DRD3: variants seen among roughly 807,000 people sequenced by gnomAD.
DRD3 encodes D(3) dopamine receptor.
In DRD3, 19 loss-of-function variants were observed where a neutral mutation model predicts 36.3. The ratio of observed to expected loss-of-function variants is 0.52; its 90% CI spans 0.36 to 0.77. The LOEUF (loss-of-function observed/expected upper bound fraction) is 0.77, where lower values mean the gene tolerates loss of function less well. Ranked by LOEUF, DRD3 falls within the 30% of genes least tolerant of loss-of-function variation. The pLI is 0.00. For missense variants in DRD3, 465 were observed against 505.3 expected (o/e 0.92, Z 0.77); for synonymous variants, 195 against 203.7 (o/e 0.96, Z 0.36).
At chr3:114,153,910 C>T (rs2077641503) in intron 3 of DRD3, among the ~76,000 whole-genome samples, 1 of 152,170 alleles carries the variant, frequency 6.6e-6, no homozygotes, top group Non-Finnish European at 1.5e-5. Context: ...TAGTGTCTGG[C>T]ACATAGTACA....
At chr3:114,131,963 G>A (rs2077435343) in intron 5 of DRD3, among the ~76,000 whole-genome samples, 1 of 152,176 alleles carries the variant, frequency 6.6e-6, no homozygotes, top group Non-Finnish European at 1.5e-5. Flanking sequence ...GTTGGTGGGA[G>A]TGTAAGTTAG....
chr3:114,161,436 G>A lies in DRD3; in HGVS notation c.271-1569C>T, dbSNP rs747565123. Among the ~76,000 whole-genome samples, 10 of 152,188 alleles carry A rather than the reference G, an allele frequency of 6.6e-5. No individual in the cohort carries two copies. The South Asian group carries it at 1.2e-3, about 19-fold the overall frequency. On this transcript the variant is annotated intron_variant, in intron 2 of 6. Coordinates refer to ENST00000383673, the MANE Select transcript of DRD3 (RefSeq NM_000796.6). ...CAATAAAATAAGGTCCTAAAAGGCC[G>A]TCTTTCCTTCCCTGTCCCTGATAAC...
intron 3 of DRD3, among the ~76,000 whole-genome samples, chr3:114,151,963 GGGGGTCCTGTTAAAAT>G (rs1380559407): frequency 6.6e-6 from 1 of 152,216 alleles, no homozygotes; most frequent in Non-Finnish European, 1.5e-5. Context: ...TTAATTGCCT[GGGGGTCCTGTTAAAAT>G]GCAGAATATC....
rs117144610 is a variant in DRD3, at chr3:114,148,052, C to T, written c.384-495G>A. The stretch of plus-strand genomic sequence containing the variant: ...GAGGAAGAGAGAAAAGCAGAAAGGT[C>T]AAAAATAGCAGAAAGGTTGAGATAA... On this transcript the variant is annotated intron_variant, in intron 3 of 6. Transcript: ENST00000383673. Among the ~76,000 whole-genome samples, 143 of 152,016 alleles carry T rather than the reference C, an allele frequency of 9.4e-4. 2 individuals are homozygous for T. The East Asian group carries it at 0.016, about 17-fold the overall frequency.
intron 1 of DRD3, among the ~76,000 whole-genome samples, chr3:114,193,543 C>A (rs2078022785): frequency 6.6e-6 from 1 of 152,178 alleles, no homozygotes; most frequent in African/African-American, 2.4e-5. Context: ...TGGGGCTATA[C>A]TGGACTTCTA....
upstream of DRD3, among the ~76,000 whole-genome samples, chr3:114,179,854 T>C (rs1414982517): frequency 2.0e-5 from 3 of 152,222 alleles, no homozygotes; most frequent in South Asian, 6.2e-4. Flanking sequence ...AAGGTCTAAA[T>C]ACTGCTATTG....
At chr3:114,192,970 C>G (rs746262647) in intron 1 of DRD3, among the ~76,000 whole-genome samples, 1 of 151,944 alleles carries the variant, frequency 6.6e-6, no homozygotes, top group Non-Finnish European at 1.5e-5. Context: ...TAAAAAAAAG[C>G]GACAAAACAA....
Position 114,160,245 on chromosome 3 carries a change from T to A in DRD3, c.271-378A>T, listed in dbSNP as rs534295302. Among the ~76,000 whole-genome samples, 21 of 152,332 alleles carry A rather than the reference T, an allele frequency of 1.4e-4. No homozygotes were observed. In the East Asian group the frequency reaches 1.5e-3, roughly 11 times the overall value. On this transcript the variant is annotated intron_variant, in intron 2 of 6. Transcript: ENST00000383673. ...TGTAAATCTTCTTTTTTATTTTTTT[T>A]AAATTTATTTTATTTTTTGAGATGG...
chr3:114,140,570 G>A (rs1263294026), intron 4 of DRD3, among the ~76,000 whole-genome samples: 2 of 152,172 alleles, frequency 1.3e-5, no homozygotes, highest in Non-Finnish European at 2.9e-5. Context: ...TTAAGGCAAC[G>A]TTATATGAGA....
intron 5 of DRD3, among the ~76,000 whole-genome samples, chr3:114,136,773 G>T (rs1004966254): frequency 9.8e-5 from 15 of 152,334 alleles, no homozygotes; most frequent in African/African-American, 3.4e-4. Context: ...AACACCTCCA[G>T]ACTCCACTCT....
chr3:114,187,001 G>A (rs935088054), intron 1 of DRD3, among the ~76,000 whole-genome samples: 5 of 152,342 alleles, frequency 3.3e-5, no homozygotes, highest in African/African-American at 1.2e-4. Flanking sequence ...TGAAGATCTA[G>A]AGGCTCAAAA....
intron 4 of DRD3, among the ~76,000 whole-genome samples, chr3:114,142,016 C>A (rs1212363966): frequency 7.0e-6 from 1 of 142,750 alleles, no homozygotes; most frequent in African/African-American, 2.6e-5. Flanking sequence ...CCATTGCACT[C>A]CAGCCTGGGC....
intron 2 of DRD3, among the ~76,000 whole-genome samples, chr3:114,169,961 G>A (rs576362954): frequency 4.9e-4 from 74 of 152,322 alleles, no homozygotes; most frequent in African/African-American, 1.7e-3. Flanking sequence ...GCTCATTAGA[G>A]TGAAGGTCCA....
chr3:114,179,670 T>C (rs777183586), upstream of DRD3, among the ~76,000 whole-genome samples: 5 of 152,182 alleles, frequency 3.3e-5, no homozygotes, highest in Admixed American at 1.3e-4. Flanking sequence ...AACCATTTCC[T>C]GTTCTCTCTC....
intron 2 of DRD3, among the ~76,000 whole-genome samples, chr3:114,160,249 T>C (rs1291097954): frequency 2.0e-5 from 3 of 152,138 alleles, no homozygotes; most frequent in Non-Finnish European, 4.4e-5. Context: ...TTTTTTTAAA[T>C]TTATTTTATT....
At chr3:114,159,575 C>T (rs2077713245) in intron 3 of DRD3, among the ~76,000 whole-genome samples, 180 bp downstream of exon 3, 1 of 152,108 alleles carries the variant, frequency 6.6e-6, no homozygotes, top group African/African-American at 2.4e-5. Context: ...TCGTTATTTC[C>T]CACCTGTCGC....
chr3:114,167,265 A>G (rs907719003), intron 2 of DRD3, among the ~76,000 whole-genome samples: 1 of 152,182 alleles, frequency 6.6e-6, no homozygotes, highest in African/African-American at 2.4e-5. Flanking sequence ...CTGGCCGCTT[A>G]TACTGCCTTT....
chr3:114,128,860 G>T lies in DRD3; in HGVS notation c.1059C>A (p.Thr353=), dbSNP rs200567878. The part of the protein sequence containing the change: ...LPFFLTHVLN[T]HCQTCHVSPE... ...GGGACACGTGGCATGTCTGGCAGTG[G>T]GTATTGAGAACATGGGTCAAGAAGA... Residue 353 remains threonine, a synonymous_variant, in exon 7 of 7, where the codon ACC becomes ACA. Transcript: ENST00000383673. 1.8e-5 allele frequency: 29 copies of T among 1,613,006 alleles called. No homozygotes were observed. The South Asian group carries it at 3.2e-4, about 18-fold the overall frequency.
intron 3 of DRD3, among the ~76,000 whole-genome samples, chr3:114,155,662 T>C (rs1190932278): frequency 1.3e-5 from 2 of 151,568 alleles, no homozygotes; most frequent in Non-Finnish European, 3.0e-5. Flanking sequence ...GAATTTCATT[T>C]CCACACCCTT....
Sources: gnomAD v4.1 joint callset for allele counts (sites outside exome capture counted in the v4.1 genomes callset) on GRCh38, gnomAD v4.1.1 for gene constraint, MANE v1.5 for transcripts, NCBI Gene and HGNC (gene_info 2026-07-23, HGNC 2026-07-21) for gene names.